MAP2K5: variants seen among roughly 807,000 people sequenced by gnomAD.
MAP2K5 encodes mitogen-activated protein kinase kinase 5.
A neutral mutation model predicts 83.1 loss-of-function variants in MAP2K5; 49 were observed. That is an observed-to-expected ratio of 0.59 (90% CI 0.47 to 0.75). The LOEUF (loss-of-function observed/expected upper bound fraction) is 0.75, where lower values mean the gene tolerates loss of function less well. MAP2K5 is among the 30% of genes least tolerant of loss of function. MAP2K5 has a pLI of 0.00. For missense variants in MAP2K5, 457 were observed against 557.5 expected (o/e 0.82, Z 1.82); for synonymous variants, 202 against 191.8 (o/e 1.05, Z -0.44).
intron 8 of MAP2K5, among the ~76,000 whole-genome samples, chr15:67,612,966 G>A (rs1258945122): frequency 1.0e-4 from 15 of 142,862 alleles, no homozygotes; most frequent in Admixed American, 1.0e-3. Flanking sequence ...ACTTTGTACT[G>A]CAGTATTGAA....
In MAP2K5 at chr15:67,779,377, T is replaced by C. The variant is rs1055098413; in HGVS notation, c.1242+6625T>C. Among the ~76,000 whole-genome samples the C allele has an allele frequency of 1.3e-5, 2 of 152,212 alleles. No individual in the cohort carries two copies. Among genetic ancestry groups the C allele is most frequent in the African/African-American group, 2.4e-5 (1 of 41,444 alleles). On this transcript the variant is annotated intron_variant, in intron 21 of 21. Coordinates refer to ENST00000178640, the MANE Select transcript of MAP2K5 (RefSeq NM_145160.3). This position sits in a 1 kb window ranked among gnomAD's most constrained non-coding sequence, Gnocchi z 4.6. ...TCGCACTAAATCAGACAGCTTTAATTTGAATTTTTGATGACACATTAGCAC... is the reference window on the plus strand; with the variant it reads ...TCGCACTAAATCAGACAGCTTTAATCTGAATTTTTGATGACACATTAGCAC...
At chr15:67,803,318 CT>C (rs2090739921) in intron 21 of MAP2K5, among the ~76,000 whole-genome samples, 1 of 152,228 alleles carries the variant, frequency 6.6e-6, no homozygotes, top group Non-Finnish European at 1.5e-5. Flanking sequence ...GCCAAGATGC[CT>C]AGGGCATCTG....
At chr15:67,666,182 A>G (rs2087373604) in intron 13 of MAP2K5, among the ~76,000 whole-genome samples, 1 of 152,202 alleles carries the variant, frequency 6.6e-6, no homozygotes, top group African/African-American at 2.4e-5. Flanking sequence ...CTCTGGGCAT[A>G]CAGGTTAATT....
At chr15:67,735,100 G>T (rs183149069) in intron 17 of MAP2K5, among the ~76,000 whole-genome samples, 209 of 152,268 alleles carry the variant, frequency 1.4e-3, no homozygotes, top group African/African-American at 4.9e-3. Flanking sequence ...ATACACATTT[G>T]CTTCTTCCTA....
rs1391166487 is a variant in MAP2K5, at chr15:67,717,277, T to C, written c.1045-10639T>C. On this transcript the variant is annotated intron_variant, in intron 16 of 21. Transcript: ENST00000178640. The surrounding 1 kb of genome is among the most constrained non-coding windows in gnomAD (Gnocchi z 4.1). ...AATGTGCTAGTTACCTTTCAGAAAC[T>C]AAGGCCTAGTTTATTTATTAAAAAG... Among the ~76,000 whole-genome samples, 1 of 152,200 alleles carries C rather than the reference T, an allele frequency of 6.6e-6. No homozygotes were observed. The highest frequency in any genetic ancestry group is 1.5e-5 in the Non-Finnish European group (1 of 68,030).
intron 8 of MAP2K5, among the ~76,000 whole-genome samples, chr15:67,624,624 TGTGTGTGTGTGTGTGA>T (rs1273879240): frequency 2.7e-4 from 38 of 142,892 alleles, no homozygotes; most frequent in African/African-American, 6.9e-4. Context: ...TGTGTGTGTG[TGTGTGTGTGTGTGTGA>T]GTGTGTTTGA....
rs1251592513 is a variant in MAP2K5 at position 67,793,769 on chromosome 15, T to C, written c.1243-12877T>C. 1.3e-5 allele frequency among the ~76,000 whole-genome samples: 2 copies of C among 152,228 alleles called. No individual in the cohort carries two copies. The highest frequency in any genetic ancestry group is 2.9e-5 in the Non-Finnish European group (2 of 68,038). On this transcript the variant is annotated intron_variant, in intron 21 of 21. Coordinates refer to ENST00000178640, the MANE Select transcript of MAP2K5 (RefSeq NM_145160.3). The surrounding 1 kb of genome is among the most constrained non-coding windows in gnomAD (Gnocchi z 4.6). ...ATATACTCTTTGATCACGTTGTATA[T>C]AAATGTCCAAGTTTGAAGCAATATG... is the stretch of plus-strand genomic sequence containing the variant.
At chr15:67,705,985 A>G (rs2088542923) in intron 16 of MAP2K5, among the ~76,000 whole-genome samples, 1 of 152,182 alleles carries the variant, frequency 6.6e-6, no homozygotes, top group Non-Finnish European at 1.5e-5. Flanking sequence ...ATAGCCTTGT[A>G]GGCCATGCTA....
intron 13 of MAP2K5, chr15:67,670,560 A>G (rs2087505721): frequency 2.5e-6 from 1 of 398,316 alleles, no homozygotes; most frequent in African/African-American, 2.1e-5. Context: ...AGTGCAGTAG[A>G]CACTCTAGAA....
intron 17 of MAP2K5, among the ~76,000 whole-genome samples, chr15:67,728,713 A>G (rs984491334): frequency 9.2e-5 from 14 of 152,218 alleles, no homozygotes; most frequent in African/African-American, 3.4e-4. Flanking sequence ...TCTGATTTAA[A>G]GGTGGTGTTG....
rs774604917 is a variant in MAP2K5 at position 67,722,473 on chromosome 15, C to T, written c.1045-5443C>T. Among the ~76,000 whole-genome samples the T allele has an allele frequency of 3.3e-5, 5 of 151,940 alleles. No homozygotes were observed. Among genetic ancestry groups the T allele is most frequent in the Admixed American group, 6.6e-5 (1 of 15,234 alleles). Reference sequence around the variant, plus strand: ...TTTAACCTCCAAAGCACTTTAACACCGGTAAATTGCTGTTATATCCTTTGG... The same window carrying T: ...TTTAACCTCCAAAGCACTTTAACACTGGTAAATTGCTGTTATATCCTTTGG... On this transcript the variant is annotated intron_variant, in intron 16 of 21. Transcript: ENST00000178640. This position sits in a 1 kb window ranked among gnomAD's most constrained non-coding sequence, Gnocchi z 4.2.
Position 67,577,178 on chromosome 15 carries a change from A to G in MAP2K5, c.253-3576A>G, listed in dbSNP as rs973439506. 6.6e-6 allele frequency among the ~76,000 whole-genome samples: 1 copy of G among 151,004 alleles called. No homozygotes were observed. The highest frequency in any genetic ancestry group is 2.4e-5 in the African/African-American group (1 of 41,078). ...TCTCGATCTCCTGACCTCATGATCC[A>G]CCCGCCTCGGCCTCCCAAAGTGCTG... On this transcript the variant is annotated intron_variant, in intron 3 of 21. Transcript: ENST00000178640. This position sits in a 1 kb window ranked among gnomAD's most constrained non-coding sequence, Gnocchi z 4.1.
At position 67,783,179 on chromosome 15, in the gene MAP2K5, C is replaced by T. The variant is rs565983606; in HGVS notation, c.1242+10427C>T. Among the ~76,000 whole-genome samples, 10 of 152,292 alleles carry T rather than the reference C, an allele frequency of 6.6e-5. No homozygotes were observed. The highest frequency in any genetic ancestry group is 1.9e-4 in the East Asian group (1 of 5,180). On this transcript the variant is annotated intron_variant, in intron 21 of 21. Coordinates refer to ENST00000178640, the MANE Select transcript of MAP2K5 (RefSeq NM_145160.3). The surrounding 1 kb of genome is among the most constrained non-coding windows in gnomAD (Gnocchi z 5.1). ...CTGTGCCCAGCATCCTGCCTGACACCGAGGAGGCAGCATGTCAGCCCCAAG... is the reference window on the plus strand; with the variant it reads ...CTGTGCCCAGCATCCTGCCTGACACTGAGGAGGCAGCATGTCAGCCCCAAG...
Position 67,775,436 on chromosome 15 carries a change from G to A in MAP2K5, c.1242+2684G>A, listed in dbSNP as rs1057140451. Among the ~76,000 whole-genome samples the A allele has an allele frequency of 2.0e-5, 3 of 152,226 alleles. No individual in the cohort carries two copies. Among genetic ancestry groups the A allele is most frequent in the Admixed American group, 2.0e-4 (3 of 15,286 alleles). On this transcript the variant is annotated intron_variant, in intron 21 of 21. Coordinates refer to ENST00000178640, the MANE Select transcript of MAP2K5 (RefSeq NM_145160.3). This position sits in a 1 kb window ranked among gnomAD's most constrained non-coding sequence, Gnocchi z 5.3. The stretch of plus-strand genomic sequence containing the variant: ...TGGTTTTCTGGCATGTAGCCATGAA[G>A]CTACATCAGAAGTGCTCTCAAAAGT...
At position 67,747,727 on chromosome 15, in the gene MAP2K5, G is replaced by A. The variant is rs569639881; in HGVS notation, c.1075-504G>A. Among the ~76,000 whole-genome samples the A allele has an allele frequency of 6.6e-6, 1 of 152,180 alleles. No homozygotes were observed. The highest frequency in any genetic ancestry group is 2.4e-5 in the African/African-American group (1 of 41,438). On this transcript the variant is annotated intron_variant, in intron 17 of 21. Transcript: ENST00000178640. The surrounding 1 kb of genome is among the most constrained non-coding windows in gnomAD (Gnocchi z 4.1). ...AGTTGTTACCCCACTCCTAAGTTAGGTGCAAATACTTCAACTACATAATTA... is the reference window on the plus strand; with the variant it reads ...AGTTGTTACCCCACTCCTAAGTTAGATGCAAATACTTCAACTACATAATTA...
intron 21 of MAP2K5, among the ~76,000 whole-genome samples, chr15:67,796,521 A>G (rs2090606898): frequency 1.3e-5 from 2 of 152,202 alleles, no homozygotes; most frequent in Non-Finnish European, 2.9e-5. Flanking sequence ...AAAGGATCAG[A>G]TCTTGTGAGA....
intron 21 of MAP2K5, among the ~76,000 whole-genome samples, chr15:67,799,173 T>TA (rs1161856262): frequency 2.6e-5 from 4 of 151,954 alleles, no homozygotes; most frequent in Non-Finnish European, 4.4e-5. Flanking sequence ...CGTCTCAAAA[T>TA]AAAAAAATAA....
intron 16 of MAP2K5, among the ~76,000 whole-genome samples, chr15:67,716,972 T>A (rs1282228279): frequency 6.6e-6 from 1 of 152,222 alleles, no homozygotes; most frequent in African/African-American, 2.4e-5. Context: ...TAGATCCAGA[T>A]AAGTTAAAGG....
intron 8 of MAP2K5, among the ~76,000 whole-genome samples, chr15:67,605,912 A>G (rs2085769033): frequency 6.6e-6 from 1 of 152,240 alleles, no homozygotes; most frequent in African/African-American, 2.4e-5. Context: ...ACCTAGAAGA[A>G]AAAGAATATC....
Sources: allele counts gnomAD v4.1 joint callset (sites outside exome capture counted in the v4.1 genomes callset), GRCh38; gene constraint gnomAD v4.1.1; non-coding constraint Gnocchi (gnomAD v3.1); transcripts MANE v1.5; gene names NCBI Gene and HGNC (gene_info 2026-07-23, HGNC 2026-07-21).